PEAK1: variants seen among roughly 807,000 people sequenced by gnomAD.
The protein encoded by PEAK1 is inactive tyrosine-protein kinase PEAK1.
PEAK1 carries 54 observed loss-of-function variants against 124.7 expected under a neutral mutation model. The ratio of observed to expected loss-of-function variants is 0.43; its 90% CI spans 0.35 to 0.54. The LOEUF is 0.54. Ranked by LOEUF, PEAK1 falls within the 20% of genes least tolerant of loss-of-function variation. PEAK1 has a pLI of 0.01. For missense variants in PEAK1, 2,046 were observed against 2,134.5 expected, an observed-to-expected ratio of 0.96 and a Z score of 0.82; for synonymous variants, 719 against 760.0, an observed-to-expected ratio of 0.95 and a Z score of 0.89.
intron 5 of PEAK1, among the ~76,000 whole-genome samples, chr15:77,253,244 T>TGGGGGGG (rs377748179): frequency 7.9e-6 from 1 of 126,922 alleles, no homozygotes; most frequent in African/African-American, 2.7e-5. Flanking sequence ...TTGGTATGCG[T>TGGGGGGG]TGGGGGGGGG....
intron 1 of PEAK1, among the ~76,000 whole-genome samples, chr15:77,388,581 C>T (rs993737141): frequency 2.6e-5 from 4 of 152,184 alleles, no homozygotes; most frequent in Non-Finnish European, 4.4e-5. Flanking sequence ...ATCTTCTCTC[C>T]GTGTATCAAA....
At position 77,238,016 on chromosome 15, in the gene PEAK1, T is replaced by C. The variant is rs550446254; in HGVS notation, c.-115+14351A>G. ...CCATTCTACATTGTATTTCTATTTCTCATGTTTTCTTATAGCTTCTGTATT... is the reference window on the plus strand; with the variant it reads ...CCATTCTACATTGTATTTCTATTTCCCATGTTTTCTTATAGCTTCTGTATT... On this transcript the variant is annotated intron_variant, in intron 6 of 9. Transcript: ENST00000682557. Among the ~76,000 whole-genome samples the C allele has an allele frequency of 9.8e-4, 150 of 152,318 alleles. 1 individual carries two copies. Among genetic ancestry groups the C allele is most frequent in the African/African-American group, 3.5e-3 (146 of 41,582 alleles).
intron 2 of PEAK1, among the ~76,000 whole-genome samples, chr15:77,308,237 T>G (rs2064218714): frequency 1.3e-5 from 2 of 152,076 alleles, no homozygotes; most frequent in Non-Finnish European, 2.9e-5. Flanking sequence ...TGACTTAATC[T>G]CTCTGAGCTT....
intron 6 of PEAK1, among the ~76,000 whole-genome samples, chr15:77,201,161 T>C (rs2152845422): frequency 6.6e-6 from 1 of 151,326 alleles, no homozygotes; most frequent in South Asian, 2.1e-4. Flanking sequence ...GTTCTACCAC[T>C]CCATGTCTTT....
At chr15:77,299,350 A>G (rs1356237917) in intron 2 of PEAK1, among the ~76,000 whole-genome samples, 2 of 152,180 alleles carry the variant, frequency 1.3e-5, no homozygotes, top group Non-Finnish European at 2.9e-5. Flanking sequence ...TTTTTCCCCA[A>G]TTTGAAAGTT....
At chr15:77,151,653 G>T (rs1311823689) in intron 8 of PEAK1, among the ~76,000 whole-genome samples, 2 of 151,996 alleles carry the variant, frequency 1.3e-5, no homozygotes, top group Non-Finnish European at 2.9e-5. Context: ...GGTCTAACAT[G>T]TAAGTCTTTA....
chr15:77,339,843 A>T (rs1468771534), intron 2 of PEAK1, among the ~76,000 whole-genome samples: 1 of 152,260 alleles, frequency 6.6e-6, no homozygotes, highest in Non-Finnish European at 1.5e-5. Context: ...TGATCTGAGC[A>T]GACACCTCGT....
chr15:77,382,074 G>C (rs1267204289), intron 1 of PEAK1, among the ~76,000 whole-genome samples: 1 of 152,124 alleles, frequency 6.6e-6, no homozygotes, highest in Admixed American at 6.6e-5. Context: ...CTCCATCCAT[G>C]TCTCTCTCTT....
chr15:77,130,140 G>A (rs1210619554), intron 9 of PEAK1, among the ~76,000 whole-genome samples: 4 of 152,202 alleles, frequency 2.6e-5, no homozygotes, highest in African/African-American at 7.2e-5. Context: ...ATTTGGGAAA[G>A]AGACAAGATT....
intron 5 of PEAK1, among the ~76,000 whole-genome samples, chr15:77,264,345 T>C (rs1380962738): frequency 6.6e-6 from 1 of 152,080 alleles, no homozygotes; most frequent in Non-Finnish European, 1.5e-5. Context: ...TGATTGTATA[T>C]CTAGAAAACC....
intron 6 of PEAK1, among the ~76,000 whole-genome samples, chr15:77,185,866 T>A (rs2057520183): frequency 6.6e-6 from 1 of 152,178 alleles, no homozygotes; most frequent in Admixed American, 6.5e-5. Flanking sequence ...GTTAAAACTG[T>A]GCAGGTTTCT....
chr15:77,339,703 A>T (rs2066417637), intron 2 of PEAK1, among the ~76,000 whole-genome samples: 1 of 152,228 alleles, frequency 6.6e-6, no homozygotes, highest in African/African-American at 2.4e-5. Context: ...GACATTGTTA[A>T]TGAAAAGACA....
At chr15:77,221,035 G>A (rs1332159793) in intron 6 of PEAK1, among the ~76,000 whole-genome samples, 1 of 152,092 alleles carries the variant, frequency 6.6e-6, no homozygotes, top group Non-Finnish European at 1.5e-5. Flanking sequence ...ATTCTACTAT[G>A]AGGATAGAAT....
At chr15:77,346,093 A>G (rs934488009) in intron 2 of PEAK1, 2 of 985,356 alleles carry the variant, frequency 2.0e-6, no homozygotes, top group Admixed American at 6.1e-5. Context: ...CGACTATGCC[A>G]TAAACCAAAG....
intron 5 of PEAK1, among the ~76,000 whole-genome samples, chr15:77,259,400 T>C (rs915000029): frequency 2.0e-5 from 3 of 152,216 alleles, no homozygotes; most frequent in Non-Finnish European, 4.4e-5. Flanking sequence ...TTAAGTATGA[T>C]ATATCCTTTT....
In PEAK1 at chr15:77,381,591, A is replaced by C. The variant is rs1041216642; in HGVS notation, c.-665-16366T>G. On this transcript the variant is annotated intron_variant, in intron 1 of 9. Transcript: ENST00000682557. ...GTAAGGCATAGAGTCATTTTTATCCATCCAGGTTACAGAGTGCTGAAATTC... is the reference window on the plus strand; with the variant it reads ...GTAAGGCATAGAGTCATTTTTATCCCTCCAGGTTACAGAGTGCTGAAATTC... 6.1e-6 allele frequency: 3 copies of C among 489,726 alleles called. No homozygotes were observed. In the African/African-American group the frequency reaches 6.3e-5, roughly 10 times the overall value. 30.3% of individuals were successfully genotyped at this position (489,726 alleles called of 1,614,324 possible). A position where few individuals can be genotyped will look rare whatever the true frequency, so the allele number is the denominator to read the frequency against.
intron 2 of PEAK1, among the ~76,000 whole-genome samples, chr15:77,289,496 A>G (rs2063103879): frequency 6.6e-6 from 1 of 152,236 alleles, no homozygotes; most frequent in Admixed American, 6.5e-5. Context: ...AACTGCAAAT[A>G]CTTTGCTTTC....
intron 1 of PEAK1, among the ~76,000 whole-genome samples, chr15:77,409,722 C>T (rs1377107187): frequency 6.6e-6 from 1 of 152,058 alleles, no homozygotes; most frequent in Admixed American, 6.6e-5. Context: ...TCAGCATATG[C>T]AATTTTGAGA....
At chr15:77,125,738 T>G (rs1389501520) in intron 9 of PEAK1, among the ~76,000 whole-genome samples, 1 of 152,248 alleles carries the variant, frequency 6.6e-6, no homozygotes, top group Non-Finnish European at 1.5e-5. Flanking sequence ...TCACATTTTG[T>G]ACCTAGGCAC....
Sources: allele counts gnomAD v4.1 joint callset (sites outside exome capture counted in the v4.1 genomes callset), GRCh38; gene constraint gnomAD v4.1.1; transcripts MANE v1.5; gene names NCBI Gene and HGNC (gene_info 2026-07-23, HGNC 2026-07-21).